Variants in STAMBP observed in about 807,000 individuals in gnomAD.
STAMBP encodes STAM binding protein, also known as STAM-binding protein.
STAMBP carries 31 observed loss-of-function variants against 50.7 expected under a neutral mutation model. The ratio of observed to expected loss-of-function variants is 0.61; its 90% CI spans 0.46 to 0.83. The LOEUF (loss-of-function observed/expected upper bound fraction) is 0.83. STAMBP is among the 40% of genes least tolerant of loss of function. The pLI is 0.00. For synonymous variants in STAMBP, 211 were observed against 192.4 expected (o/e 1.10, Z -0.80); for missense variants, 472 against 518.9 (o/e 0.91, Z 0.88).
intron 5 of STAMBP, 152 bp from the exon 6 acceptor site, chr2:73,849,211 T>G: frequency 1.9e-6 from 2 of 1,078,758 alleles, no homozygotes; most frequent in East Asian, 5.1e-5. Context: ...CAGCCCTTTT[T>G]TTGGTGCCAT....
rs1678501131 is a variant in STAMBP, at chr2:73,862,899, A to G, written c.*640A>G. On this transcript the variant is annotated 3_prime_UTR_variant, in exon 10 of 10. Transcript: ENST00000394070. The stretch of plus-strand genomic sequence containing the variant: ...CAATTAACTTATGTTTTTGTGCTTC[A>G]GAGTGATCCATTTGATCAAGCATTG... 1 of 152,466 alleles carries G rather than the reference A, an allele frequency of 6.6e-6. No individual in the cohort carries two copies. 9.4% of individuals were successfully genotyped at this position (152,466 alleles called of 1,614,324 possible).
At chr2:73,861,622 A>C (rs1678331646) in intron 9 of STAMBP, among the ~76,000 whole-genome samples, 1 of 151,846 alleles carries the variant, frequency 6.6e-6, no homozygotes, top group Non-Finnish European at 1.5e-5. Context: ...AGGTTCAAAC[A>C]ATTCTGCTGC....
At chr2:73,869,799 T>G (rs75219398), downstream of STAMBP, among the ~76,000 whole-genome samples, 5,404 of 152,278 alleles carry the variant, frequency 0.035, 125 homozygotes, top group Non-Finnish European at 0.055. Context: ...GACCGAGGAC[T>G]AGATTAAGAA....
chr2:73,830,868 T>A lies in STAMBP; in HGVS notation c.12T>A (p.His4Gln), dbSNP rs919629. 3 of 1,612,824 alleles carry A rather than the reference T, an allele frequency of 1.9e-6. No homozygotes were observed. The highest frequency in any genetic ancestry group is 2.7e-5 in the African/African-American group (2 of 74,850). The change falls in exon 2 of 10, where the codon CAT becomes CAA. Residue 4 changes from histidine (H) to glutamine (Q), a missense_variant. Transcript: ENST00000394070. MSD[H>Q]GDVSLPPEDR... ...AGAACTTGGTCCTGATGTCTGACCA[T>A]GGAGATGTGAGCCTCCCGCCCGAAG...
At chr2:73,870,861 C>T (rs13401474), downstream of STAMBP, among the ~76,000 whole-genome samples, 373 of 152,328 alleles carry the variant, frequency 2.4e-3, 1 homozygote, top group African/African-American at 8.8e-3. Context: ...CACACTTAGA[C>T]ACCTGTGTCT....
In STAMBP at chr2:73,859,365, G is replaced by A; in HGVS notation, c.1117G>A (p.Glu373Lys). Reference sequence around the variant, plus strand: ...CATTGTTTGCTCCCCCAAGTTCCAGGAGTGAGTATAGAGGGCATGGTTCTG... The same window carrying A: ...CATTGTTTGCTCCCCCAAGTTCCAGAAGTGAGTATAGAGGGCATGGTTCTG... The part of the protein sequence containing the change: ...VAIVCSPKFQ[E>K]TGFFKLTDHG... The change falls in exon 8 of 10, where the codon GAA (glutamate) becomes AAA (lysine). Residue 373 changes from glutamate (E) to lysine (K), a missense_variant and splice_region_variant. Coordinates refer to ENST00000394070, the MANE Select transcript of STAMBP (RefSeq NM_213622.4). 3 of 1,613,058 alleles carry A rather than the reference G, an allele frequency of 1.9e-6. No homozygotes were observed. The highest frequency in any genetic ancestry group is 2.5e-6 in the Non-Finnish European group (3 of 1,179,022).
intron 4 of STAMBP, among the ~76,000 whole-genome samples, chr2:73,846,371 G>T (rs965491119): frequency 6.6e-6 from 1 of 152,068 alleles, no homozygotes; most frequent in African/African-American, 2.4e-5. Flanking sequence ...GGAGCCTGAA[G>T]TGGGTGATCG....
chr2:73,832,108 T>TATATATACAC (rs1006072205), intron 2 of STAMBP, among the ~76,000 whole-genome samples: 1 of 122,902 alleles, frequency 8.1e-6, no homozygotes, highest in African/African-American at 3.5e-5. Context: ...TATATATATA[T>TATATATACAC]ACACATATAT....
intron 2 of STAMBP, among the ~76,000 whole-genome samples, chr2:73,840,513 G>A (rs997047981): frequency 3.3e-5 from 5 of 151,768 alleles, no homozygotes; most frequent in African/African-American, 9.7e-5. Context: ...GGAGGCTGAC[G>A]CGGGCAGATC....
In STAMBP at chr2:73,834,223, AAAAAAAAAAAAAAATATATATATATATAT is replaced by A. The variant is rs1304242057; in HGVS notation, c.203+3166_203+3194del. 1.3e-3 allele frequency among the ~76,000 whole-genome samples: 35 copies of A among 25,958 alleles called. 2 individuals are homozygous for A. Among genetic ancestry groups the A allele is most frequent in the African/African-American group, 3.5e-3 (32 of 9,144 alleles). 17.0% of individuals were successfully genotyped at this position (25,958 alleles called of 152,430 possible). A position where few individuals can be genotyped will look rare whatever the true frequency, so the allele number is the denominator to read the frequency against. ...AGATCATGTCTTAAAAAAAAAAAAA[AAAAAAAAAAAAAAATATATATATATATAT>A]ATATATATATATATATATATATATA... On this transcript the variant is annotated intron_variant, in intron 2 of 9. Coordinates refer to ENST00000394070, the MANE Select transcript of STAMBP (RefSeq NM_213622.4).
downstream of STAMBP, among the ~76,000 whole-genome samples, chr2:73,871,933 A>G (rs1679216223): frequency 6.6e-6 from 1 of 151,428 alleles, no homozygotes; most frequent in African/African-American, 2.4e-5. Context: ...ATGCCTGGCT[A>G]ATTTTTGTAT....
chr2:73,867,503 C>T (rs991942810), downstream of STAMBP, among the ~76,000 whole-genome samples: 10 of 152,110 alleles, frequency 6.6e-5, no homozygotes, highest in East Asian at 1.9e-4. Flanking sequence ...AAGATCACGC[C>T]ATTGCACTCC....
intron 2 of STAMBP, among the ~76,000 whole-genome samples, chr2:73,833,286 G>C (rs1351137646): frequency 6.6e-6 from 1 of 152,146 alleles, no homozygotes; most frequent in Non-Finnish European, 1.5e-5. Context: ...ATTAAATTAG[G>C]TTACAGTTCA....
chr2:73,855,621 G>A (rs777083606), intron 7 of STAMBP: 32 of 455,970 alleles, frequency 7.0e-5, no homozygotes, highest in Non-Finnish European at 1.2e-4. Flanking sequence ...ATTCTCATCA[G>A]GTAGAAACTT....
At chr2:73,857,420 C>T (rs1030179956) in intron 7 of STAMBP, among the ~76,000 whole-genome samples, 1 of 152,156 alleles carries the variant, frequency 6.6e-6, no homozygotes, top group Admixed American at 6.5e-5. Context: ...ACTCCAGTTC[C>T]CCCTTCCCCC....
chr2:73,830,243 A>G (rs796080724), intron 1 of STAMBP, among the ~76,000 whole-genome samples: 3 of 152,352 alleles, frequency 2.0e-5, no homozygotes, highest in African/African-American at 7.2e-5. Flanking sequence ...GATTTTATAG[A>G]TTGACTATAG....
At chr2:73,844,582 G>A in intron 2 of STAMBP, 1 of 323,988 alleles carries the variant, frequency 3.1e-6, no homozygotes, top group Non-Finnish European at 5.6e-6. Context: ...CTTTTTCATT[G>A]TAGGAGTCTG....
At chr2:73,844,666 T>C (rs1675836651) in intron 2 of STAMBP, 147 bp from the exon 3 acceptor site, 1 of 569,934 alleles carries the variant, frequency 1.8e-6, no homozygotes, top group Non-Finnish European at 3.0e-6. Flanking sequence ...GAAAGGAGCA[T>C]GGCCCAGCTG....
In STAMBP at chr2:73,862,882, T is replaced by G. The variant is rs1464075713; in HGVS notation, c.*623T>G. 6.6e-6 allele frequency: 1 copy of G among 152,622 alleles called. No homozygotes were observed. Among genetic ancestry groups the G allele is most frequent in the East Asian group, 1.9e-4 (1 of 5,200 alleles). The allele number at this position is 152,622 out of a possible 1,614,324, so 9.5% of individuals were successfully genotyped here. A position where few individuals can be genotyped will look rare whatever the true frequency, so the allele number is the denominator to read the frequency against. ...CCTCTACAATAAAGTAACAATTAAC[T>G]TATGTTTTTGTGCTTCAGAGTGATC... On this transcript the variant is annotated 3_prime_UTR_variant, in exon 10 of 10. Coordinates refer to ENST00000394070, the MANE Select transcript of STAMBP (RefSeq NM_213622.4).
Sources: gnomAD v4.1 joint callset for allele counts (sites outside exome capture counted in the v4.1 genomes callset) on GRCh38, gnomAD v4.1.1 for gene constraint, MANE v1.5 for transcripts, NCBI Gene and HGNC (gene_info 2026-07-23, HGNC 2026-07-21) for gene names.